Variants in HIPK2 observed in about 807,000 individuals in gnomAD.
The protein encoded by HIPK2 is homeodomain-interacting protein kinase 2.
In HIPK2, 27 loss-of-function variants were observed where a neutral mutation model predicts 113.7. The observed-to-expected ratio is 0.24, with a 90% CI of 0.17 to 0.33. HIPK2 has a LOEUF of 0.33. Among genes scored for constraint, HIPK2 ranks in the 10% least tolerant of loss-of-function variants. The probability of loss-of-function intolerance (pLI) is 1.00; values close to 1 mark genes in which losing one functional copy is unlikely to be tolerated. For missense variants in HIPK2, 1,257 were observed against 1,588.0 expected (o/e 0.79, Z 3.54); for synonymous variants, 631 against 642.2 (o/e 0.98, Z 0.26).
chr7:139,652,356 T>C (rs1444230346), intron 2 of HIPK2, among the ~76,000 whole-genome samples: 2 of 152,202 alleles, frequency 1.3e-5, no homozygotes, highest in Non-Finnish European at 2.9e-5. Context: ...CCCCTTCCCC[T>C]GAGCTCGGGG....
chr7:139,675,668 T>C (rs963836230), intron 2 of HIPK2, among the ~76,000 whole-genome samples: 1 of 152,164 alleles, frequency 6.6e-6, no homozygotes. Flanking sequence ...GTGAGTTATA[T>C]GTTTGTGCAA....
chr7:139,611,505 T>A (rs1799819346), intron 9 of HIPK2, among the ~76,000 whole-genome samples: 1 of 152,198 alleles, frequency 6.6e-6, no homozygotes, highest in Non-Finnish European at 1.5e-5. Flanking sequence ...AATTCAATAT[T>A]CATTACAAAA....
chr7:139,704,575 C>T (rs1794834838), intron 2 of HIPK2, among the ~76,000 whole-genome samples: 1 of 151,702 alleles, frequency 6.6e-6, no homozygotes, highest in African/African-American at 2.4e-5. Flanking sequence ...CATGTGAACA[C>T]ATACAAACCA....
intron 11 of HIPK2, among the ~76,000 whole-genome samples, chr7:139,599,363 T>C (rs952726574): frequency 1.3e-5 from 2 of 152,216 alleles, no homozygotes; most frequent in African/African-American, 2.4e-5. Flanking sequence ...GACTTAGAGC[T>C]TTTCCCCTCA....
In HIPK2 at chr7:139,716,842, T is replaced by A. The variant is rs576969831; in HGVS notation, c.193A>T (p.Thr65Ser). 3.7e-5 allele frequency: 59 copies of A among 1,613,856 alleles called. 1 individual carries two copies. The Admixed American group carries it at 6.5e-4, about 18-fold the overall frequency. Reference sequence around the variant, plus strand: ...ACCGGCAAGGAGGTGCTGACGGTTGTGGTGGCTGGCTGCGACAGGGGGATG... The same window carrying A: ...ACCGGCAAGGAGGTGCTGACGGTTGAGGTGGCTGGCTGCGACAGGGGGATG... ...KNIPLSQPAT[T>S]TVSTSLPVPN... Residue 65 changes from threonine (T) to serine (S), a missense_variant, in exon 2 of 15, where the codon ACA becomes TCA. Thr to Ser is a moderately conservative substitution (Grantham distance 58). Coordinates refer to ENST00000406875, the MANE Select transcript of HIPK2 (RefSeq NM_022740.5). This position sits in a 1 kb window ranked among gnomAD's most constrained non-coding sequence, Gnocchi z 9.3.
At chr7:139,764,586 G>A (rs930302315) in intron 1 of HIPK2, among the ~76,000 whole-genome samples, 4 of 152,200 alleles carry the variant, frequency 2.6e-5, no homozygotes, top group Admixed American at 2.6e-4. Context: ...AATGTGTTAA[G>A]GATGAGATAT....
chr7:139,729,198 A>T (rs886422513), intron 1 of HIPK2, among the ~76,000 whole-genome samples: 2 of 152,004 alleles, frequency 1.3e-5, no homozygotes, highest in Non-Finnish European at 2.9e-5. Flanking sequence ...GGTGGTGCAC[A>T]CCCATAGTCC....
chr7:139,583,958 C>T lies in HIPK2; in HGVS notation c.2824G>A (p.Ala942Thr). ...NTSPYSVQQR[A>T]GHNNANAFDT... is the part of the protein sequence containing the mutation. ...AAGGCATTGGCATTGTTGTGCCCAG[C>T]ACGCTGCTGCACGGAGTAGGGGCTG... is the stretch of plus-strand genomic sequence containing the variant. Residue 942 changes from alanine to threonine, a missense_variant, in exon 13 of 15, where the codon GCT (alanine) becomes ACT (threonine). Physicochemically the swap from Ala to Thr is moderately conservative, Grantham distance 58. This residue lies in a region of HIPK2 where 862 missense variants were observed against 1,004.3 expected (regional missense o/e 0.86). Transcript: ENST00000406875. The T allele has an allele frequency of 6.2e-7, 1 of 1,614,060 alleles. No homozygotes were observed. The highest frequency in any genetic ancestry group is 8.5e-7 in the Non-Finnish European group (1 of 1,179,906).
Position 139,573,044 on chromosome 7 carries a change from C to A in HIPK2, c.3480G>T (p.Pro1160=). ...GGGCAAATTGGGCTGGATACTGACT[C>A]GGGTGGATGGTGGGCGAGGGCAGGA... ...PRVLPSPTIH[P]SQYPAQFAHQ... The change falls in exon 15 of 15, where the codon CCG becomes CCT. Residue 1160 remains proline, a synonymous_variant. Transcript: ENST00000406875. 6.2e-7 allele frequency: 1 copy of A among 1,612,332 alleles called. No homozygotes were observed. The highest frequency in any genetic ancestry group is 1.1e-5 in the South Asian group (1 of 90,736).
intron 7 of HIPK2, 142 bp downstream of exon 7, chr7:139,620,259 T>A: frequency 4.8e-6 from 6 of 1,240,222 alleles, no homozygotes; most frequent in Non-Finnish European, 6.6e-6. Context: ...TCAAAGGAAA[T>A]AACCTTGGAT....
chr7:139,715,190 A>T (rs1795187631), intron 2 of HIPK2, among the ~76,000 whole-genome samples: 1 of 152,180 alleles, frequency 6.6e-6, no homozygotes, highest in Non-Finnish European at 1.5e-5. Context: ...TTAAAAGTGA[A>T]ATCAAAGCTT....
At chr7:139,589,436 C>T (rs1047613446) in intron 12 of HIPK2, among the ~76,000 whole-genome samples, 1 of 150,120 alleles carries the variant, frequency 6.7e-6, no homozygotes, top group African/African-American at 2.4e-5. Context: ...AAGACAAAAA[C>T]ACACACTAAT....
rs888666427 is a variant in HIPK2, at chr7:139,777,805, G to GCGCCGC, written c.-188_-183dup. The GCGCCGC allele has an allele frequency of 3.6e-3, 1,388 of 382,174 alleles. 24 individuals are homozygous for GCGCCGC. The highest frequency in any genetic ancestry group is 0.028 in the African/African-American group (1,247 of 44,178). The allele number at this position is 382,174 out of a possible 1,614,324, so 23.7% of individuals were successfully genotyped here. A position where few individuals can be genotyped will look rare whatever the true frequency, so the allele number is the denominator to read the frequency against. On this transcript the variant is annotated 5_prime_UTR_variant, in exon 1 of 15. Coordinates refer to ENST00000406875, the MANE Select transcript of HIPK2 (RefSeq NM_022740.5). ...CCGGCGCCGGGGGAGGGGGCCGGGC[G>GCGCCGC]CGCCGCCGCCGCCGCCGCCGCCGCT... is the stretch of plus-strand genomic sequence containing the variant.
At chr7:139,703,874 CCA>C (rs1191807147) in intron 2 of HIPK2, among the ~76,000 whole-genome samples, 1,327 of 4,084 alleles carry the variant, frequency 0.32, 90 homozygotes, top group Middle Eastern at 0.5. Flanking sequence ...ACACCCAACA[CCA>C]CCACACACAC....
intron 1 of HIPK2, 60 bp from the exon 2 acceptor site, chr7:139,717,075 A>T (rs1263198388): frequency 1.3e-6 from 2 of 1,541,120 alleles, no homozygotes; most frequent in Non-Finnish European, 1.8e-6. Flanking sequence ...AGTAAACTCA[A>T]CAGATCCCCT....
intron 12 of HIPK2, among the ~76,000 whole-genome samples, chr7:139,584,399 TG>T (rs915474134): frequency 1.3e-5 from 2 of 152,154 alleles, no homozygotes; most frequent in Non-Finnish European, 2.9e-5. Flanking sequence ...AGCCCAGAGC[TG>T]GGTACAACCC....
rs747338816 is a variant in HIPK2 at position 139,656,424 on chromosome 7, G to C, written c.1104-24699C>G. Among the ~76,000 whole-genome samples, 100 of 152,104 alleles carry C rather than the reference G, an allele frequency of 6.6e-4. 1 individual carries two copies. The highest frequency in any genetic ancestry group is 3.3e-3 in the Admixed American group (50 of 15,272). ...GTTTACCTTTATTTCTTGAGTTTCT[G>C]CCTTCTTTTTGGGATTTACCTCACA... On this transcript the variant is annotated intron_variant, in intron 2 of 14. Transcript: ENST00000406875.
Position 139,690,780 on chromosome 7 carries a change from C to T in HIPK2, c.1103+25152G>A, listed in dbSNP as rs527735132. On this transcript the variant is annotated intron_variant, in intron 2 of 14. Coordinates refer to ENST00000406875, the MANE Select transcript of HIPK2 (RefSeq NM_022740.5). ...ACGCCAGCTCCCCTTCACCTTCAGC[C>T]ATGAGTGGGGGCAGCCTGTGGCCCT... 1.1e-3 allele frequency among the ~76,000 whole-genome samples: 174 copies of T among 152,350 alleles called. No homozygotes were observed. In the Middle Eastern group the frequency reaches 0.024, roughly 21 times the overall value.
At chr7:139,638,350 C>T (rs2116349025) in intron 2 of HIPK2, among the ~76,000 whole-genome samples, 1 of 152,272 alleles carries the variant, frequency 6.6e-6, no homozygotes, top group African/African-American at 2.4e-5. Flanking sequence ...CGCTTCCATT[C>T]TTCCTTATTC....
Sources: gnomAD v4.1 joint callset for allele counts (sites outside exome capture counted in the v4.1 genomes callset) on GRCh38, gnomAD v4.1.1 for gene constraint, gnomAD v4.1.1 regional missense constraint, Gnocchi (gnomAD v3.1) non-coding constraint, MANE v1.5 for transcripts, NCBI Gene and HGNC (gene_info 2026-07-23, HGNC 2026-07-21) for gene names.